Variants in EPB41 observed in about 807,000 individuals in gnomAD.
EPB41 encodes the protein protein 4.1.
In EPB41, 65 loss-of-function variants were observed where a neutral mutation model predicts 108.0. The ratio of observed to expected loss-of-function variants is 0.60; its 90% CI spans 0.49 to 0.74. The LOEUF is 0.74. EPB41 is among the 30% of genes least tolerant of loss of function. The probability of loss-of-function intolerance (pLI) is 0.00; values close to 1 mark genes in which losing one functional copy is unlikely to be tolerated. For missense variants in EPB41, 875 were observed against 1,037.0 expected (o/e 0.84, Z 2.15); for synonymous variants, 336 against 358.9 (o/e 0.94, Z 0.72).
chr1:29,108,458 A>G (rs1558329818), intron 17 of EPB41, among the ~76,000 whole-genome samples: 1 of 151,056 alleles, frequency 6.6e-6, no homozygotes. Flanking sequence ...CCTGCCTCCT[A>G]TTTCTGATCC....
At chr1:29,026,773 C>T (rs947239210) in intron 7 of EPB41, among the ~76,000 whole-genome samples, 3 of 152,010 alleles carry the variant, frequency 2.0e-5, no homozygotes, top group African/African-American at 4.8e-5. Flanking sequence ...TGCCACTGCA[C>T]TCCAGTCTGG....
intron 1 of EPB41, among the ~76,000 whole-genome samples, chr1:28,975,957 A>G (rs1478089928): frequency 6.6e-6 from 1 of 150,964 alleles, no homozygotes; most frequent in Admixed American, 6.6e-5. Context: ...AAAAAAAAAA[A>G]AAAAGAAAGA....
chr1:29,109,753 G>A, intron 18 of EPB41: 1 of 395,042 alleles, frequency 2.5e-6, no homozygotes, highest in Non-Finnish European at 4.8e-6. Flanking sequence ...AGTCAGCATG[G>A]CCAGGCATGG....
intron 4 of EPB41, among the ~76,000 whole-genome samples, chr1:29,002,146 T>G (rs942260694): frequency 6.6e-6 from 1 of 152,128 alleles, no homozygotes; most frequent in Non-Finnish European, 1.5e-5. Context: ...TCAATAAAAA[T>G]AAGGTGTTAT....
intron 16 of EPB41, chr1:29,096,794 G>C (rs558714892): frequency 6.2e-6 from 1 of 161,348 alleles, no homozygotes; most frequent in East Asian, 1.9e-4. Flanking sequence ...GGCTAGAAAT[G>C]CTTTCTTCTC....
chr1:28,981,580 T>TC (rs2095747257), intron 1 of EPB41, among the ~76,000 whole-genome samples: 1 of 152,220 alleles, frequency 6.6e-6, no homozygotes, highest in Non-Finnish European at 1.5e-5. Context: ...AAAAGTTTTT[T>TC]CCCCACTTGT....
At chr1:29,059,637 G>T (rs750407758) in intron 14 of EPB41, among the ~76,000 whole-genome samples, 2 of 151,928 alleles carry the variant, frequency 1.3e-5, no homozygotes, top group Non-Finnish European at 2.9e-5. Context: ...AATTAGCCAG[G>T]CATGGTGATA....
At chr1:28,997,039 C>A (rs932368342) in intron 3 of EPB41, among the ~76,000 whole-genome samples, 176 bp from the exon 4 acceptor site, 1 of 152,106 alleles carries the variant, frequency 6.6e-6, no homozygotes, top group African/African-American at 2.4e-5. Flanking sequence ...GTAGTCCTAG[C>A]TACTCTGGAG....
chr1:29,104,834 C>T (rs1382785965), intron 17 of EPB41, among the ~76,000 whole-genome samples: 14 of 152,068 alleles, frequency 9.2e-5, no homozygotes, highest in Non-Finnish European at 1.6e-4. Flanking sequence ...ATGATCCTTC[C>T]GCCTCGGCCT....
chr1:29,079,678 C>A (rs1049858365), intron 16 of EPB41, among the ~76,000 whole-genome samples: 68 of 151,972 alleles, frequency 4.5e-4, no homozygotes, highest in African/African-American at 1.4e-3. Flanking sequence ...CTCACCGCAC[C>A]CAGCGAGAAA....
At chr1:29,041,672 T>C (rs556591069) in intron 11 of EPB41, among the ~76,000 whole-genome samples, 1 of 151,346 alleles carries the variant, frequency 6.6e-6, no homozygotes, top group East Asian at 1.9e-4. Flanking sequence ...AGCTCAGTGG[T>C]AAAATGAAAG....
rs548731703 is a variant in EPB41 at position 29,015,759 on chromosome 1, C to T, written c.897C>T (p.Asp299=). 80 of 1,591,438 alleles carry T rather than the reference C, an allele frequency of 5.0e-5. No homozygotes were observed. In the South Asian group the frequency reaches 7.5e-4, roughly 15 times the overall value. ...CTGACCCAGCACAGTTAACAGAAGA[C>T]ATAACAAGGTAAATAAGTAATAGTT... ...YPPDPAQLTE[D]ITRYYLCLQL... is the part of the protein sequence containing the mutation. Residue 299 remains aspartate, a synonymous_variant, in exon 6 of 21, where the codon GAC becomes GAT. Coordinates refer to ENST00000343067, the MANE Select transcript of EPB41 (RefSeq NM_001376013.1).
At chr1:29,086,188 GA>G (rs1216598130) in intron 16 of EPB41, among the ~76,000 whole-genome samples, 1 of 151,114 alleles carries the variant, frequency 6.6e-6, no homozygotes, top group Non-Finnish European at 1.5e-5. Context: ...GAAAGGTTAG[GA>G]AATAGAGAAA....
chr1:28,956,889 G>T (rs2094970954), intron 1 of EPB41, among the ~76,000 whole-genome samples: 1 of 152,182 alleles, frequency 6.6e-6, no homozygotes, highest in Non-Finnish European at 1.5e-5. Context: ...ATATAAAGAA[G>T]CTGTCTAAAT....
At chr1:29,072,500 A>T (rs547062174) in intron 16 of EPB41, 1 of 152,258 alleles carries the variant, frequency 6.6e-6, no homozygotes, top group Admixed American at 6.5e-5. Context: ...ATTAATTACT[A>T]TTGTAAACTT....
chr1:29,103,069 A>G (rs2151573900), intron 17 of EPB41, among the ~76,000 whole-genome samples: 1 of 152,054 alleles, frequency 6.6e-6, no homozygotes, highest in Non-Finnish European at 1.5e-5. Context: ...CACCGCACCC[A>G]GCCTAATTTT....
chr1:29,011,741 C>A, intron 4 of EPB41, 124 bp from the exon 5 acceptor site: 1 of 1,045,538 alleles, frequency 9.6e-7, no homozygotes, highest in Non-Finnish European at 1.4e-6. Flanking sequence ...AATGCAAAGA[C>A]TATCAAAGGA....
intron 1 of EPB41, among the ~76,000 whole-genome samples, chr1:28,980,975 T>G (rs1334645396): frequency 6.6e-6 from 1 of 151,960 alleles, no homozygotes; most frequent in East Asian, 1.9e-4. Context: ...GTTTTACCAC[T>G]TTGGCCAGGC....
In EPB41 at chr1:29,064,991, A is replaced by T. The variant is rs755317500; in HGVS notation, c.2017A>T (p.Lys673Ter). The T allele has an allele frequency of 6.2e-6, 10 of 1,613,992 alleles. No homozygotes were observed. The highest frequency in any genetic ancestry group is 1.7e-5 in the Admixed American group (1 of 60,002). Residue 673 changes from lysine (K) to a stop codon, truncating the protein, a stop_gained, in exon 16 of 21, where the codon AAG becomes TAG. Transcript: ENST00000343067. LOFTEE classifies it high-confidence loss of function. ...HSNLMLEDLDKSQEEIKKHHA... is the reference protein window; with the variant it reads ...HSNLMLEDLD ...GTCCTTTCAACTGTAGGATTTAGACAAGAGTCAAGAGGAGATCAAAAAACA... is the reference window on the plus strand; with the variant it reads ...GTCCTTTCAACTGTAGGATTTAGACTAGAGTCAAGAGGAGATCAAAAAACA...
Sources: allele counts gnomAD v4.1 joint callset (sites outside exome capture counted in the v4.1 genomes callset), GRCh38; gene constraint gnomAD v4.1.1; transcripts MANE v1.5; gene names NCBI Gene and HGNC (gene_info 2026-07-23, HGNC 2026-07-21).